The following BICC1 variants were observed in gnomAD, a reference collection of about 807,000 sequenced individuals.
BICC1 encodes the protein protein bicaudal C homolog 1.
BICC1 carries 43 observed loss-of-function variants against 111.0 expected under a neutral mutation model. That is an observed-to-expected ratio of 0.39 (90% CI 0.30 to 0.50). The LOEUF is 0.50. Among genes scored for constraint, BICC1 ranks in the 20% least tolerant of loss-of-function variants. The pLI, the probability that BICC1 is intolerant of heterozygous loss-of-function variation, is 0.88. For synonymous variants in BICC1, 467 were observed against 434.4 expected, an observed-to-expected ratio of 1.07 and a Z score of -0.93; for missense variants, 1,091 against 1,203.2, an observed-to-expected ratio of 0.91 and a Z score of 1.38.
intron 2 of BICC1, among the ~76,000 whole-genome samples, chr10:58,693,652 A>G (rs1198090564): frequency 6.6e-6 from 1 of 151,972 alleles, no homozygotes; most frequent in African/African-American, 2.4e-5. Flanking sequence ...GGCTGCATAA[A>G]TGTCTTCTTT....
At chr10:58,701,181 A>G (rs1840223085) in intron 2 of BICC1, among the ~76,000 whole-genome samples, 1 of 152,164 alleles carries the variant, frequency 6.6e-6, no homozygotes, top group South Asian at 2.1e-4. Flanking sequence ...AAAGATAAAT[A>G]TTATCCCAGT....
intron 1 of BICC1, among the ~76,000 whole-genome samples, chr10:58,584,082 ACACACAC>A (rs1844364680): frequency 6.6e-6 from 1 of 151,880 alleles, no homozygotes; most frequent in Non-Finnish European, 1.5e-5. Context: ...ACACACACAC[ACACACAC>A]ACACACACAC....
Position 58,528,346 on chromosome 10 carries a change from G to A in BICC1, c.190+15013G>A, listed in dbSNP as rs576777162. ...AACATTAGTGTGGAGTTTTGAATGA[G>A]GATATGCAAAACTTAATTCAAGCGA... is the stretch of plus-strand genomic sequence containing the variant. On this transcript the variant is annotated intron_variant, in intron 1 of 20. Coordinates refer to ENST00000373886, the MANE Select transcript of BICC1 (RefSeq NM_001080512.3). Among the ~76,000 whole-genome samples the A allele has an allele frequency of 1.9e-4, 29 of 151,876 alleles. No homozygotes were observed. The East Asian group carries it at 5.5e-3, about 29-fold the overall frequency.
intron 2 of BICC1, among the ~76,000 whole-genome samples, chr10:58,661,406 A>G (rs1417229479): frequency 2.0e-5 from 3 of 152,120 alleles, no homozygotes; most frequent in Non-Finnish European, 4.4e-5. Context: ...GAGAAAAGGT[A>G]GAGGGTCACT....
Position 58,789,952 on chromosome 10 carries a change from G to A in BICC1, c.1047+19G>A. 3 of 1,612,164 alleles carry A rather than the reference G, an allele frequency of 1.9e-6. No homozygotes were observed. The South Asian group carries it at 3.3e-5, about 18-fold the overall frequency. ...TCTCATGGTAAGGTTACTGAAATAA[G>A]TGTTACAATTTTTTTAAACCTCTTT... On this transcript the variant is annotated intron_variant, in intron 8 of 20. Coordinates refer to ENST00000373886, the MANE Select transcript of BICC1 (RefSeq NM_001080512.3).
chr10:58,791,432 C>T (rs2132820486), intron 8 of BICC1, among the ~76,000 whole-genome samples: 1 of 152,234 alleles, frequency 6.6e-6, no homozygotes, highest in Non-Finnish European at 1.5e-5. Flanking sequence ...TTGTATAGCA[C>T]TATTCTTATA....
intron 1 of BICC1, among the ~76,000 whole-genome samples, chr10:58,618,438 AATT>A (rs1404102785): frequency 6.6e-6 from 1 of 152,208 alleles, no homozygotes; most frequent in Non-Finnish European, 1.5e-5. Flanking sequence ...TAAAAGGTAT[AATT>A]ATCCTGCTGA....
intron 8 of BICC1, among the ~76,000 whole-genome samples, chr10:58,790,667 A>C (rs1843149538): frequency 6.6e-6 from 1 of 152,156 alleles, no homozygotes; most frequent in African/African-American, 2.4e-5. Flanking sequence ...TTCTACTAAA[A>C]ATATAAAAAT....
chr10:58,798,455 T>C lies in BICC1; in HGVS notation c.1423T>C (p.Leu475=), dbSNP rs962209845. 3 of 1,613,342 alleles carry C rather than the reference T, an allele frequency of 1.9e-6. No individual in the cohort carries two copies. Among genetic ancestry groups the C allele is most frequent in the Non-Finnish European group, 1.7e-6 (2 of 1,179,624 alleles). ...LNTSTTPNSL[L]NALNSSVSPL... ...CACTTCAACAACCCCAAACTCACTC[T>C]TGAATGCTCTTAATAGCTCAGTCAG... The change falls in exon 11 of 21, where the codon TTG becomes CTG. Residue 475 remains leucine, a synonymous_variant. Coordinates refer to ENST00000373886, the MANE Select transcript of BICC1 (RefSeq NM_001080512.3).
chr10:58,672,418 T>C (rs1003796670), intron 2 of BICC1, among the ~76,000 whole-genome samples: 1 of 152,160 alleles, frequency 6.6e-6, no homozygotes, highest in African/African-American at 2.4e-5. Flanking sequence ...TGTTTGTGAA[T>C]TGAGTGAATG....
At chr10:58,529,409 C>T (rs963907836) in intron 1 of BICC1, among the ~76,000 whole-genome samples, 1 of 151,914 alleles carries the variant, frequency 6.6e-6, no homozygotes, top group African/African-American at 2.4e-5. Context: ...AGAACTAACA[C>T]AGTATTTCTC....
chr10:58,544,993 A>G (rs905359656), intron 1 of BICC1, among the ~76,000 whole-genome samples: 2 of 152,132 alleles, frequency 1.3e-5, no homozygotes, highest in African/African-American at 4.8e-5. Context: ...CTACAAGCCA[A>G]TGAGAGAGAC....
At chr10:58,642,765 T>A (rs1262929536) in intron 2 of BICC1, among the ~76,000 whole-genome samples, 1 of 152,050 alleles carries the variant, frequency 6.6e-6, no homozygotes, top group Non-Finnish European at 1.5e-5. Flanking sequence ...AGTGCAGTGA[T>A]GTGATCACGG....
At chr10:58,775,567 A>T (rs931736220) in intron 3 of BICC1, among the ~76,000 whole-genome samples, 3 of 152,178 alleles carry the variant, frequency 2.0e-5, no homozygotes, top group African/African-American at 7.2e-5. Flanking sequence ...CTTTATTCCC[A>T]TCTCCTCGCC....
chr10:58,518,866 G>C (rs1160953190), intron 1 of BICC1, among the ~76,000 whole-genome samples: 1 of 152,092 alleles, frequency 6.6e-6, no homozygotes, highest in East Asian at 1.9e-4. Flanking sequence ...CACGCTCACG[G>C]GCATGGAGCA....
intron 3 of BICC1, among the ~76,000 whole-genome samples, chr10:58,772,293 A>G (rs888136796): frequency 2.6e-5 from 4 of 152,168 alleles, no homozygotes; most frequent in Non-Finnish European, 5.9e-5. Context: ...TTTTTTAAAA[A>G]AAGAGCAAGA....
chr10:58,718,248 C>T (rs1353678577), intron 3 of BICC1, among the ~76,000 whole-genome samples: 3 of 152,128 alleles, frequency 2.0e-5, no homozygotes, highest in Non-Finnish European at 2.9e-5. Flanking sequence ...GGTGTCAGGG[C>T]CTGTTCCTCA....
At chr10:58,610,402 T>A (rs78751399) in intron 1 of BICC1, among the ~76,000 whole-genome samples, 5,516 of 152,230 alleles carry the variant, frequency 0.036, 314 homozygotes, top group African/African-American at 0.13. Context: ...GTGTGTGTAA[T>A]CTGCAGAGTC....
intron 17 of BICC1, among the ~76,000 whole-genome samples, chr10:58,813,338 G>A (rs1383371613): frequency 2.0e-5 from 3 of 152,076 alleles, no homozygotes; most frequent in African/African-American, 7.2e-5. Context: ...ATCCTTGTTT[G>A]TTTAGGGGAG....
Sources: allele counts gnomAD v4.1 joint callset (sites outside exome capture counted in the v4.1 genomes callset), GRCh38; gene constraint gnomAD v4.1.1; transcripts MANE v1.5; gene names NCBI Gene and HGNC (gene_info 2026-07-23, HGNC 2026-07-21).